PAPLN: variants seen among roughly 807,000 people sequenced by gnomAD.
The protein encoded by PAPLN is papilin.
In PAPLN, 146 loss-of-function variants were observed where a neutral mutation model predicts 159.0. The ratio of observed to expected loss-of-function variants is 0.92; its 90% CI spans 0.80 to 1.05. PAPLN has a LOEUF of 1.05. PAPLN is among the 50% of genes least tolerant of loss of function. The pLI is 0.00. For synonymous variants in PAPLN, 734 were observed against 702.9 expected (o/e 1.04, Z -0.70); for missense variants, 1,720 against 1,743.9 (o/e 0.99, Z 0.24).
rs754248837 is a variant in PAPLN, at chr14:73,260,731, G to T, written c.2008G>T (p.Val670Leu). ...QSRYGCCPDR[V>L]SVAEGPHHAG... is the part of the protein sequence containing the mutation. ...TAGGTACGGGTGCTGCCCTGACAGG[G>T]TATCTGTCGCTGAGGGGCCCCATCA... is the stretch of plus-strand genomic sequence containing the variant. Residue 670 changes from valine (V) to leucine (L), a missense_variant, in exon 17 of 27, where the codon GTA becomes TTA. Transcript: ENST00000644200. 2 of 1,474,142 alleles carry T rather than the reference G, an allele frequency of 1.4e-6. No homozygotes were observed. The highest frequency in any genetic ancestry group is 5.1e-5 in the East Asian group (2 of 39,512). The allele number at this position is 1,474,142 out of a possible 1,614,324, so 91.3% of individuals were successfully genotyped here.
rs1566683893 is a variant in PAPLN at position 73,252,053 on chromosome 14, T to G, written c.879T>G (p.Tyr293Ter). The G allele has an allele frequency of 6.2e-7, 1 of 1,612,536 alleles. No individual in the cohort carries two copies. Among genetic ancestry groups the G allele is most frequent in the Non-Finnish European group, 8.5e-7 (1 of 1,179,698 alleles). Residue 293 changes from tyrosine (Y) to a stop codon, truncating the protein, a stop_gained, in exon 10 of 27, where the codon TAT (tyrosine) becomes TAG (stop). Coordinates refer to ENST00000644200, the MANE Select transcript of PAPLN (RefSeq NM_001365906.3). LOFTEE classifies it high-confidence loss of function. ...ISQEPNPGVH[Y>*]EYHLPLRRPS... Reference sequence around the variant, plus strand: ...AGGAGCCCAACCCCGGTGTGCACTATGAGTACCACCTGCCCCTGCGCCGCC... The same window carrying G: ...AGGAGCCCAACCCCGGTGTGCACTAGGAGTACCACCTGCCCCTGCGCCGCC...
At chr14:73,268,481 T>C in intron 25 of PAPLN, 76 bp from the exon 26 acceptor site, 1 of 1,481,516 alleles carries the variant, frequency 6.7e-7, no homozygotes. Context: ...TGGAATGGCC[T>C]TTGATTACCT....
At chr14:73,248,025 TG>T (rs1286057064) in intron 5 of PAPLN, among the ~76,000 whole-genome samples, 3 of 80,158 alleles carry the variant, frequency 3.7e-5, no homozygotes, top group Non-Finnish European at 6.9e-5. Flanking sequence ...TGTGTGTGTG[TG>T]TGTTGGGATT....
rs1430925096 is a variant in PAPLN at position 73,265,994 on chromosome 14, G to A, written c.3263+487G>A. Reference sequence around the variant, plus strand: ...ATAGCAAAAACTAGAAACCCAAACCGAAATTTTGTATCAGAAAACTTGAAA... The same window carrying A: ...ATAGCAAAAACTAGAAACCCAAACCAAAATTTTGTATCAGAAAACTTGAAA... On this transcript the variant is annotated intron_variant, in intron 23 of 26. Transcript: ENST00000644200. This position sits in a 1 kb window ranked among gnomAD's most constrained non-coding sequence, Gnocchi z 4.1. Among the ~76,000 whole-genome samples the A allele has an allele frequency of 6.6e-6, 1 of 152,118 alleles. No individual in the cohort carries two copies. Among genetic ancestry groups the A allele is most frequent in the African/African-American group, 2.4e-5 (1 of 41,428 alleles).
chr14:73,239,560 T>G lies in PAPLN; in HGVS notation c.-6-213T>G, dbSNP rs899271249. 5.3e-5 allele frequency: 40 copies of G among 760,680 alleles called. No individual in the cohort carries two copies. The African/African-American group carries it at 7.1e-4, about 13-fold the overall frequency. The allele number at this position is 760,680 out of a possible 1,614,324, so 47.1% of individuals were successfully genotyped here. ...TTCTTGAACTTCTGCCAGTTGCGGA[T>G]GGGCCATTCCTTTCTTGCTCACATG... is the stretch of plus-strand genomic sequence containing the variant. On this transcript the variant is annotated intron_variant, in intron 1 of 26. Coordinates refer to ENST00000644200, the MANE Select transcript of PAPLN (RefSeq NM_001365906.3).
At chr14:73,251,939 TG>T in intron 9 of PAPLN, 78 bp from the exon 10 acceptor site, 1 of 1,550,978 alleles carries the variant, frequency 6.4e-7, no homozygotes, top group Non-Finnish European at 8.7e-7. Flanking sequence ...GGCTTGAGGC[TG>T]GCAGGGGGCT....
At position 73,270,219 on chromosome 14, in the gene PAPLN, C is replaced by T. The variant is rs1594838723; in HGVS notation, c.3667+1496C>T. On this transcript the variant is annotated intron_variant, in intron 26 of 26. Transcript: ENST00000644200. ...CCACTTGGCCGGGCAGGCTGCGCTCCGCTGACCCGGATCCCGCACTCGTGG... is the reference window on the plus strand; with the variant it reads ...CCACTTGGCCGGGCAGGCTGCGCTCTGCTGACCCGGATCCCGCACTCGTGG... Among the ~76,000 whole-genome samples, 4 of 152,336 alleles carry T rather than the reference C, an allele frequency of 2.6e-5. No individual in the cohort carries two copies. The East Asian group carries it at 7.7e-4, about 29-fold the overall frequency.
rs754444054 is a variant in PAPLN, at chr14:73,258,966, C to T, written c.1628-13C>T. 1.0e-5 allele frequency: 16 copies of T among 1,602,652 alleles called. No individual in the cohort carries two copies. Among genetic ancestry groups the T allele is most frequent in the South Asian group, 7.8e-5 (7 of 89,330 alleles). ...CCCTCTCCGTCCCACATGGACCTCC[C>T]GGCTCCCTGCAGAGGTCCCCAGCAT... On this transcript the variant is annotated splice_polypyrimidine_tract_variant and intron_variant, in intron 14 of 26. Transcript: ENST00000644200.
rs1887253769 is a variant in PAPLN, at chr14:73,266,781, C to T, written c.3450C>T (p.Ala1150=). 1.9e-6 allele frequency: 3 copies of T among 1,613,952 alleles called. No homozygotes were observed. Among genetic ancestry groups the T allele is most frequent in the African/African-American group, 2.7e-5 (2 of 75,026 alleles). The part of the protein sequence containing the change: ...PTVTVPEGDT[A]RLLCVVAGES... Reference sequence around the variant, plus strand: ...TGACAGTGCCAGAGGGTGATACGGCCAGGCTATTGTGTGTGGTAGCAGGAG... The same window carrying T: ...TGACAGTGCCAGAGGGTGATACGGCTAGGCTATTGTGTGTGGTAGCAGGAG... Residue 1150 remains alanine (A), a synonymous_variant, in exon 25 of 27, where the codon GCC becomes GCT. Transcript: ENST00000644200.
chr14:73,249,883 C>T (rs1885041032), intron 5 of PAPLN, 101 bp from the exon 6 acceptor site: 1 of 1,367,622 alleles, frequency 7.3e-7, no homozygotes, highest in South Asian at 1.6e-5. Context: ...TGCTGCAGGG[C>T]TTTCTGACCC....
Position 73,259,444 on chromosome 14 carries a change from C to G in PAPLN, c.1884C>G (p.His628Gln), listed in dbSNP as rs752782926. Residue 628 changes from histidine (H) to glutamine (Q), a missense_variant, in exon 16 of 27, where the codon CAC becomes CAG. His to Gln is a conservative substitution (Grantham distance 24). Coordinates refer to ENST00000644200, the MANE Select transcript of PAPLN (RefSeq NM_001365906.3). ...CCCTGCGGTCGGGCTCAGGGCCCCA[C>G]GACTGCAGACACAGTCCTCACGGGT... The part of the protein sequence containing the change: ...QQPLRSGSGP[H>Q]DCRHSPHGCC... The G allele has an allele frequency of 6.2e-7, 1 of 1,612,544 alleles. No homozygotes were observed. Among genetic ancestry groups the G allele is most frequent in the Non-Finnish European group, 8.5e-7 (1 of 1,179,568 alleles).
Position 73,260,699 on chromosome 14 carries a change from G to A in PAPLN, c.1986-10G>A, listed in dbSNP as rs867305659. 1 of 1,452,528 alleles carries A rather than the reference G, an allele frequency of 6.9e-7. No individual in the cohort carries two copies. Among genetic ancestry groups the A allele is most frequent in the Non-Finnish European group, 9.1e-7 (1 of 1,104,954 alleles). 90.0% of individuals were successfully genotyped at this position (1,452,528 alleles called of 1,614,324 possible). ...GCTGGGCAGTGAGGGGCTGTGTGAT[G>A]TCTGCCTAGGTACGGGTGCTGCCCT... is the stretch of plus-strand genomic sequence containing the variant. On this transcript the variant is annotated splice_polypyrimidine_tract_variant and intron_variant, in intron 16 of 26. Coordinates refer to ENST00000644200, the MANE Select transcript of PAPLN (RefSeq NM_001365906.3).
chr14:73,270,718 C>G (rs1421892465), intron 26 of PAPLN, among the ~76,000 whole-genome samples: 1 of 152,206 alleles, frequency 6.6e-6, no homozygotes, highest in Non-Finnish European at 1.5e-5. Context: ...AACCAAACTA[C>G]AATGAGAAAC....
chr14:73,247,763 G>C (rs907146211), intron 5 of PAPLN, among the ~76,000 whole-genome samples: 4 of 118,880 alleles, frequency 3.4e-5, no homozygotes, highest in African/African-American at 6.5e-5. Flanking sequence ...GCCGATAGTG[G>C]CAGTGGGCGT....
In PAPLN at chr14:73,247,796, CCGTGTGTGTGTGTGTGTGTGTG is replaced by C. The variant is rs1229885968; in HGVS notation, c.334+1622_334+1643del. On this transcript the variant is annotated intron_variant, in intron 5 of 26. Transcript: ENST00000644200. ...CGTGGCCCAGTGGGAGTCTCTTATCCCGTGTGTGTGTGTGTGTGTGTGTGTGTGTGTGTGTGTGTGTGTGGTG... is the reference window on the plus strand; with the variant it reads ...CGTGGCCCAGTGGGAGTCTCTTATCCTGTGTGTGTGTGTGTGTGTGTGGTG... Among the ~76,000 whole-genome samples the C allele has an allele frequency of 1.1e-3, 68 of 60,614 alleles. 2 individuals are homozygous for C. The highest frequency in any genetic ancestry group is 1.5e-3 in the Non-Finnish European group (52 of 34,150). 39.8% of individuals were successfully genotyped at this position (60,614 alleles called of 152,430 possible). A position where few individuals can be genotyped will look rare whatever the true frequency, so the allele number is the denominator to read the frequency against.
In PAPLN at chr14:73,265,501, C is replaced by T. The variant is rs1184682944; in HGVS notation, c.3257C>T (p.Ser1086Phe). The T allele has an allele frequency of 1.2e-6, 2 of 1,613,632 alleles. No individual in the cohort carries two copies. The highest frequency in any genetic ancestry group is 2.2e-5 in the East Asian group (1 of 44,902). ...EWQRDGQPVS[S>F]PRHQLQPDGS... ...CAGAGAGATGGGCAGCCTGTCTCTT[C>T]TCCCAGGTTTATTTGACTCCTCTCC... is the stretch of plus-strand genomic sequence containing the variant. Residue 1086 changes from serine (S) to phenylalanine (F), a missense_variant, in exon 23 of 27, where the codon TCT (serine) becomes TTT (phenylalanine). Coordinates refer to ENST00000644200, the MANE Select transcript of PAPLN (RefSeq NM_001365906.3). The surrounding 1 kb of genome is among the most constrained non-coding windows in gnomAD (Gnocchi z 4.1).
chr14:73,240,318 G>C (rs985493751), intron 2 of PAPLN, among the ~76,000 whole-genome samples: 13 of 152,312 alleles, frequency 8.5e-5, no homozygotes, highest in East Asian at 3.9e-4. Context: ...TGAGATGGCA[G>C]AAATGTCCTG....
At chr14:73,269,899 G>A (rs1328397383) in intron 26 of PAPLN, among the ~76,000 whole-genome samples, 1 of 152,228 alleles carries the variant, frequency 6.6e-6, no homozygotes, top group Non-Finnish European at 1.5e-5. Flanking sequence ...GGCTGAGGGT[G>A]GAGACTGGCC....
chr14:73,266,838 G>T lies in PAPLN; in HGVS notation c.3500+7G>T. The T allele has an allele frequency of 1.2e-6, 2 of 1,604,806 alleles. No homozygotes were observed. Among genetic ancestry groups the T allele is most frequent in the Non-Finnish European group, 1.7e-6 (2 of 1,175,362 alleles). On this transcript the variant is annotated splice_region_variant and intron_variant, in intron 25 of 26. Coordinates refer to ENST00000644200, the MANE Select transcript of PAPLN (RefSeq NM_001365906.3). ...TGAACATCAGGTGGTCCAGGTAAAG[G>T]CTCTATTCCAAGTTGTCCCTGTCCC... is the stretch of plus-strand genomic sequence containing the variant.
Sources: allele counts gnomAD v4.1 joint callset (sites outside exome capture counted in the v4.1 genomes callset), GRCh38; gene constraint gnomAD v4.1.1; non-coding constraint Gnocchi (gnomAD v3.1); transcripts MANE v1.5; gene names NCBI Gene and HGNC (gene_info 2026-07-23, HGNC 2026-07-21).